Variants in QRICH1 observed in about 807,000 individuals in gnomAD.
QRICH1 encodes transcriptional regulator QRICH1.
Under a neutral mutation model 87.1 loss-of-function variants are expected in QRICH1, and 16 were observed. That is an observed-to-expected ratio of 0.18 (90% CI 0.12 to 0.28). The LOEUF is 0.28. Ranked by LOEUF, QRICH1 falls within the 10% of genes least tolerant of loss-of-function variation. QRICH1 has a pLI of 1.00. For missense variants in QRICH1, 647 were observed against 951.7 expected (o/e 0.68, Z 4.21); for synonymous variants, 367 against 368.4 (o/e 1.00, Z 0.05).
At position 49,032,282 on chromosome 3, in the gene QRICH1, C is replaced by T; in HGVS notation, c.2048-9G>A. 3 of 1,599,738 alleles carry T rather than the reference C, an allele frequency of 1.9e-6. No individual in the cohort carries two copies. The highest frequency in any genetic ancestry group is 2.6e-6 in the Non-Finnish European group (3 of 1,166,984). On this transcript the variant is annotated splice_polypyrimidine_tract_variant and intron_variant, in intron 8 of 9. Transcript: ENST00000395443. ...ATACATGTCATCTGTAACTATAAAA[C>T]ACACATCCCCACCACCACAGACCTG...
At chr3:49,031,479 A>G (rs1267290170) in intron 9 of QRICH1, among the ~76,000 whole-genome samples, 4 of 152,224 alleles carry the variant, frequency 2.6e-5, no homozygotes, top group African/African-American at 9.6e-5. Flanking sequence ...AGGTGCTGAT[A>G]TTTAAAAAAA....
Position 49,076,731 on chromosome 3 carries a change from A to G in QRICH1, c.287T>C (p.Val96Ala). Residue 96 changes from valine to alanine, a missense_variant, in exon 2 of 10, where the codon GTT (valine) becomes GCT (alanine). Around this residue, in one of 7 missense-constraint regions of QRICH1, gnomAD observed 156 missense variants for 164.5 expected, o/e 0.95. Transcript: ENST00000395443. Reference sequence around the variant, plus strand: ...TACCTGAACCTGCTGCGGCTGCTGAACCTGGATCTGCTGTTCTTGCTGGGT... The same window carrying G: ...TACCTGAACCTGCTGCGGCTGCTGAGCCTGGATCTGCTGTTCTTGCTGGGT... ...PQTQQEQQIQVQQPQQVQVQV... is the reference protein window; with the variant it reads ...PQTQQEQQIQAQQPQQVQVQV... 1 of 1,585,884 alleles carries G rather than the reference A, an allele frequency of 6.3e-7. No homozygotes were observed.
intron 1 of QRICH1, among the ~76,000 whole-genome samples, chr3:49,089,609 AATAG>A (rs1245801193): frequency 1.3e-5 from 2 of 152,238 alleles, no homozygotes; most frequent in African/African-American, 2.4e-5. Context: ...TCAATAGTGG[AATAG>A]ATAAATACCT....
intron 2 of QRICH1, among the ~76,000 whole-genome samples, chr3:49,058,361 G>C (rs528060161): frequency 6.9e-6 from 1 of 144,100 alleles, no homozygotes; most frequent in Non-Finnish European, 1.5e-5. Flanking sequence ...AATTCTCATT[G>C]TGTCGCCCAG....
intron 6 of QRICH1, among the ~76,000 whole-genome samples, chr3:49,038,941 T>C (rs2093293057): frequency 6.6e-6 from 1 of 152,088 alleles, no homozygotes; most frequent in African/African-American, 2.4e-5. Flanking sequence ...GCAGAAGAAC[T>C]GCTTGAATCC....
chr3:49,064,795 T>A (rs1004256502), intron 2 of QRICH1, among the ~76,000 whole-genome samples: 1 of 151,856 alleles, frequency 6.6e-6, no homozygotes, highest in Non-Finnish European at 1.5e-5. Flanking sequence ...GCAGGCAGGG[T>A]CACATAAGGT....
At chr3:49,065,856 T>C (rs911157924) in intron 2 of QRICH1, among the ~76,000 whole-genome samples, 12 of 152,276 alleles carry the variant, frequency 7.9e-5, no homozygotes, top group Non-Finnish European at 1.3e-4. Context: ...ATTTTTGTTT[T>C]GTATTTTTAT....
At chr3:49,049,251 GA>G (rs1490050656) in intron 3 of QRICH1, among the ~76,000 whole-genome samples, 1 of 148,358 alleles carries the variant, frequency 6.7e-6, no homozygotes. Context: ...ATCATTTAAA[GA>G]AAAAAAAAGT....
chr3:49,081,615 C>T (rs1439843139), intron 1 of QRICH1, among the ~76,000 whole-genome samples: 1 of 152,118 alleles, frequency 6.6e-6, no homozygotes, highest in Non-Finnish European at 1.5e-5. Flanking sequence ...TTCCTCTCAC[C>T]TGAGCCGCCC....
chr3:49,090,201 T>C (rs1167363254), intron 1 of QRICH1, among the ~76,000 whole-genome samples: 1 of 152,180 alleles, frequency 6.6e-6, no homozygotes, highest in Non-Finnish European at 1.5e-5. Context: ...GGCTCACGCC[T>C]GTAATCCCAG....
At chr3:49,040,267 C>G (rs796531537) in intron 6 of QRICH1, among the ~76,000 whole-genome samples, 1 of 152,212 alleles carries the variant, frequency 6.6e-6, no homozygotes, top group African/African-American at 2.4e-5. Context: ...ATAGCCCTCC[C>G]TTGTAATACT....
chr3:49,030,432 T>A lies in QRICH1; in HGVS notation c.*20A>T, dbSNP rs768458107. 1.2e-6 allele frequency: 2 copies of A among 1,610,256 alleles called. No homozygotes were observed. The highest frequency in any genetic ancestry group is 1.7e-6 in the Non-Finnish European group (2 of 1,178,636). The stretch of plus-strand genomic sequence containing the variant: ...CTGGTTTTTCCTGGCTGGTTTCTCT[T>A]GTGCCATGGCCAAGGCATCTCAGTG... On this transcript the variant is annotated 3_prime_UTR_variant, in exon 10 of 10. Coordinates refer to ENST00000395443, the MANE Select transcript of QRICH1 (RefSeq NM_198880.3).
At chr3:49,054,981 C>A (rs1212952601) in intron 3 of QRICH1, among the ~76,000 whole-genome samples, 1 of 152,136 alleles carries the variant, frequency 6.6e-6, no homozygotes, top group Non-Finnish European at 1.5e-5. Context: ...TTCTAAATTC[C>A]CAGTTTGTCT....
Position 49,093,959 on chromosome 3 carries a change from G to A in QRICH1, c.-69C>T, listed in dbSNP as rs903029849. ...CGCCGCCGCCTCCGCTGCACCCGCC[G>A]GCCCCGCCGCACCGCCAGGGACCCT... On this transcript the variant is annotated 5_prime_UTR_variant, in exon 1 of 10. Coordinates refer to ENST00000395443, the MANE Select transcript of QRICH1 (RefSeq NM_198880.3). The A allele has an allele frequency of 7.5e-6, 3 of 402,452 alleles. No individual in the cohort carries two copies. Among genetic ancestry groups the A allele is most frequent in the Non-Finnish European group, 1.3e-5 (3 of 230,116 alleles). The allele number at this position is 402,452 out of a possible 1,614,324, so 24.9% of individuals were successfully genotyped here. A position where few individuals can be genotyped will look rare whatever the true frequency, so the allele number is the denominator to read the frequency against.
At chr3:49,067,382 A>G (rs765720355) in intron 2 of QRICH1, among the ~76,000 whole-genome samples, 26 of 150,216 alleles carry the variant, frequency 1.7e-4, no homozygotes, top group Non-Finnish European at 3.4e-4. Flanking sequence ...CCTGGCTAAC[A>G]TGGTGAAACC....
chr3:49,079,240 AC>A (rs1389241943), intron 1 of QRICH1, among the ~76,000 whole-genome samples: 1 of 151,694 alleles, frequency 6.6e-6, no homozygotes, highest in African/African-American at 2.4e-5. Flanking sequence ...TCTAAAAAAA[AC>A]AAACAAACAA....
chr3:49,084,239 C>T (rs1327491346), intron 1 of QRICH1, among the ~76,000 whole-genome samples: 1 of 151,962 alleles, frequency 6.6e-6, no homozygotes, highest in African/African-American at 2.4e-5. Flanking sequence ...AGCAACCACA[C>T]CCAGCCTAAA....
intron 8 of QRICH1, 98 bp from the exon 9 acceptor site, chr3:49,032,371 G>C: frequency 1.3e-6 from 1 of 762,674 alleles, no homozygotes; most frequent in Non-Finnish European, 2.2e-6. Context: ...GCCCAACTAG[G>C]AAATACAGGG....
At chr3:49,061,941 C>T (rs2093437453) in intron 2 of QRICH1, among the ~76,000 whole-genome samples, 1 of 152,120 alleles carries the variant, frequency 6.6e-6, no homozygotes, top group Non-Finnish European at 1.5e-5. Context: ...ATCAAAGCCA[C>T]AATGAGAAAC....
Sources: gnomAD v4.1 joint callset for allele counts (sites outside exome capture counted in the v4.1 genomes callset) on GRCh38, gnomAD v4.1.1 for gene constraint, gnomAD v4.1.1 regional missense constraint, MANE v1.5 for transcripts, NCBI Gene and HGNC (gene_info 2026-07-23, HGNC 2026-07-21) for gene names.